CACNA1I: variants seen among roughly 807,000 people sequenced by gnomAD.
CACNA1I encodes calcium voltage-gated channel subunit alpha1 I.
A neutral mutation model predicts 201.6 loss-of-function variants in CACNA1I; 74 were observed. The observed-to-expected ratio is 0.37, with a 90% CI of 0.30 to 0.45. The LOEUF is 0.45. Ranked by LOEUF, CACNA1I falls within the 20% of genes least tolerant of loss-of-function variation. CACNA1I has a pLI of 1.00. For synonymous variants in CACNA1I, 1,431 were observed against 1,345.2 expected, an observed-to-expected ratio of 1.06 and a Z score of -1.40; for missense variants, 2,346 against 3,138.1, an observed-to-expected ratio of 0.75 and a Z score of 6.03.
At chr22:39,614,765 G>A (rs1050394747) in intron 3 of CACNA1I, among the ~76,000 whole-genome samples, 10 of 152,170 alleles carry the variant, frequency 6.6e-5, no homozygotes, top group African/African-American at 2.2e-4. Context: ...GGAAGAAATG[G>A]TGTCCACCCT....
rs368298637 is a variant in CACNA1I at position 39,679,811 on chromosome 22, C to T, written c.5484C>T (p.Ile1828=). The part of the protein sequence containing the change: ...LTIIDNLSGS[I]FHHYSSPAGC... Reference sequence around the variant, plus strand: ...TCATCGACAACCTGTCGGGCTCCATCTTCCACCACTACTCCTCGCCTGCCG... The same window carrying T: ...TCATCGACAACCTGTCGGGCTCCATTTTCCACCACTACTCCTCGCCTGCCG... Residue 1828 remains isoleucine (I), a synonymous_variant, in exon 33 of 37, where the codon ATC becomes ATT. Transcript: ENST00000402142. The T allele has an allele frequency of 1.2e-6, 2 of 1,613,182 alleles. No individual in the cohort carries two copies. Among genetic ancestry groups the T allele is most frequent in the African/African-American group, 2.7e-5 (2 of 75,054 alleles).
At chr22:39,673,922 C>T (rs770523861) in intron 28 of CACNA1I, 41 bp from the exon 29 acceptor site, 81 of 1,595,976 alleles carry the variant, frequency 5.1e-5, no homozygotes, top group Admixed American at 1.2e-4. Flanking sequence ...ACGTCCCCAC[C>T]GGCCTGGGGC....
chr22:39,595,846 G>C (rs1023665331), intron 1 of CACNA1I, among the ~76,000 whole-genome samples: 1 of 151,812 alleles, frequency 6.6e-6, no homozygotes, highest in South Asian at 2.1e-4. Context: ...ATGTTAGGCC[G>C]TGAGTGTAAA....
In CACNA1I at chr22:39,679,406, C is replaced by G. The variant is rs1038450829; in HGVS notation, c.5355C>G (p.Thr1785=). The change falls in exon 32 of 37, where the codon ACC becomes ACG. Residue 1785 remains threonine (T), a synonymous_variant. Transcript: ENST00000402142. ...GPGGAGGGGD[T]EGGLCRRCYS... The stretch of plus-strand genomic sequence containing the variant: ...GAGGGGCGGGCGGCGGGGGCGACAC[C>G]GAGGGCGGCTTGTGCCGGCGCTGCT... 1.4e-6 allele frequency: 2 copies of G among 1,447,528 alleles called. No individual in the cohort carries two copies. The highest frequency in any genetic ancestry group is 1.8e-6 in the Non-Finnish European group (2 of 1,112,692). The allele number at this position is 1,447,528 out of a possible 1,614,324, so 89.7% of individuals were successfully genotyped here.
chr22:39,670,655 C>A (rs930327962), intron 25 of CACNA1I, 148 bp from the exon 26 acceptor site: 66 of 758,008 alleles, frequency 8.7e-5, no homozygotes, highest in Admixed American at 1.4e-4. Flanking sequence ...TGGAGGAGAT[C>A]TAACACTGAT....
intron 18 of CACNA1I, among the ~76,000 whole-genome samples, chr22:39,663,262 A>G (rs1412658172): frequency 6.6e-6 from 1 of 152,218 alleles, no homozygotes; most frequent in Non-Finnish European, 1.5e-5. Flanking sequence ...AGTAGCCTGT[A>G]TGGCTTGCAT....
chr22:39,592,511 C>G (rs1361823466), intron 1 of CACNA1I, among the ~76,000 whole-genome samples: 1 of 152,200 alleles, frequency 6.6e-6, no homozygotes, highest in Non-Finnish European at 1.5e-5. Flanking sequence ...CAGGGCTGCT[C>G]TGTGGCAAAG....
intron 5 of CACNA1I, among the ~76,000 whole-genome samples, chr22:39,638,027 A>G (rs1160350132): frequency 1.3e-5 from 2 of 152,068 alleles, no homozygotes; most frequent in Admixed American, 6.6e-5. Context: ...TCCGCCTCCC[A>G]GGTTCAAGTG....
At chr22:39,656,641 G>GGAAT (rs112171045) in intron 10 of CACNA1I, 43,918 of 517,566 alleles carry the variant, frequency 0.085, 1,833 homozygotes, top group East Asian at 0.16. Flanking sequence ...TAGCCATGCA[G>GGAAT]GAATGAATGA....
At chr22:39,663,944 A>G in intron 19 of CACNA1I, 103 bp downstream of exon 19, 3 of 1,551,956 alleles carry the variant, frequency 1.9e-6, no homozygotes, top group Non-Finnish European at 2.6e-6. Flanking sequence ...GAGGCAGGAC[A>G]GGAAGTTTGC....
chr22:39,683,284 G>A (rs1325216292), intron 35 of CACNA1I, among the ~76,000 whole-genome samples: 1 of 152,188 alleles, frequency 6.6e-6, no homozygotes, highest in Non-Finnish European at 1.5e-5. Context: ...CACTGGCTGT[G>A]GAGGGAGGCA....
intron 35 of CACNA1I, 148 bp downstream of exon 35, chr22:39,682,809 G>GTCTATCTCTCATTGTC: frequency 1.5e-6 from 1 of 647,906 alleles, no homozygotes; most frequent in Non-Finnish European, 2.6e-6. Flanking sequence ...GACAATGAGA[G>GTCTATCTCTCATTGTC]ATAGACTCTC....
chr22:39,658,088 G>C, intron 10 of CACNA1I, 64 bp from the exon 11 acceptor site: 1 of 1,570,172 alleles, frequency 6.4e-7, no homozygotes, highest in Non-Finnish European at 8.7e-7. Context: ...TGGGTGTCCA[G>C]AGGGGATCCA....
intron 4 of CACNA1I, among the ~76,000 whole-genome samples, chr22:39,622,274 G>A (rs892361565): frequency 5.9e-5 from 9 of 152,028 alleles, no homozygotes; most frequent in East Asian, 1.9e-4. Context: ...CTCCTGTGCC[G>A]GGCATGAGGA....
intron 3 of CACNA1I, among the ~76,000 whole-genome samples, chr22:39,606,314 G>A (rs1046745709): frequency 2.6e-5 from 4 of 152,124 alleles, no homozygotes; most frequent in Non-Finnish European, 4.4e-5. Context: ...ACTAAAAGTT[G>A]GTGATTTTTA....
At chr22:39,622,501 A>C (rs1188723909) in intron 4 of CACNA1I, among the ~76,000 whole-genome samples, 2 of 150,190 alleles carry the variant, frequency 1.3e-5, no homozygotes, top group Non-Finnish European at 1.5e-5. Flanking sequence ...TGGAGAGGAC[A>C]GGGCCTGGGC....
At position 39,685,954 on chromosome 22, in the gene CACNA1I, T is replaced by C; in HGVS notation, c.6221T>C (p.Leu2074Pro). The C allele has an allele frequency of 7.9e-7, 1 of 1,267,704 alleles. No homozygotes were observed. Among genetic ancestry groups the C allele is most frequent in the Non-Finnish European group, 9.9e-7 (1 of 1,015,144 alleles). The allele number at this position is 1,267,704 out of a possible 1,614,324, so 78.5% of individuals were successfully genotyped here. The change falls in exon 37 of 37, where the codon CTC (leucine) becomes CCC (proline). Residue 2074 changes from leucine to proline, a missense_variant. Physicochemically the swap from Leu to Pro is moderately conservative, Grantham distance 98. Around this residue, in one of 13 missense-constraint regions of CACNA1I, gnomAD observed 441 missense variants for 555.6 expected, o/e 0.79. Transcript: ENST00000402142. This position sits in a 1 kb window ranked among gnomAD's most constrained non-coding sequence, Gnocchi z 5.0. ...CGCCTGAGCCTGCGCGGCCGGGGCC[T>C]CTTCAGCCTGCGGGGGCTGCGGGCG... ...RRRLSLRGRGLFSLRGLRAHQ... is the reference protein window; with the variant it reads ...RRRLSLRGRGPFSLRGLRAHQ...
intron 1 of CACNA1I, among the ~76,000 whole-genome samples, chr22:39,573,483 C>A (rs1432104449): frequency 6.6e-6 from 1 of 152,048 alleles, no homozygotes; most frequent in Non-Finnish European, 1.5e-5. Flanking sequence ...CAAGTCCTGT[C>A]TGCCATGTGT....
rs1224380685 is a variant in CACNA1I at position 39,662,853 on chromosome 22, C to G, written c.3450C>G (p.Val1150=). 2 of 1,597,460 alleles carry G rather than the reference C, an allele frequency of 1.3e-6. No homozygotes were observed. Among genetic ancestry groups the G allele is most frequent in the Non-Finnish European group, 1.7e-6 (2 of 1,172,070 alleles). Residue 1150 remains valine, a synonymous_variant, in exon 18 of 37, where the codon GTC becomes GTG. Coordinates refer to ENST00000402142, the MANE Select transcript of CACNA1I (RefSeq NM_021096.4). ...GCGAGGTCCGCGAAGACTGGTCTGT[C>G]TACCTCTTCTCTCCCGAGAACAGGT... ...DWCEVREDWS[V]YLFSPENRFR...
Sources: allele counts gnomAD v4.1 joint callset (sites outside exome capture counted in the v4.1 genomes callset), GRCh38; gene constraint gnomAD v4.1.1; regional missense constraint gnomAD v4.1.1; non-coding constraint Gnocchi (gnomAD v3.1); transcripts MANE v1.5; gene names NCBI Gene and HGNC (gene_info 2026-07-23, HGNC 2026-07-21).